The following AGBL3 variants were observed in gnomAD, a reference collection of about 807,000 sequenced individuals.
The protein encoded by AGBL3 is AGBL carboxypeptidase 3.
In AGBL3, 68 loss-of-function variants were observed where a neutral mutation model predicts 94.5. That is an observed-to-expected ratio of 0.72 (90% CI 0.59 to 0.88). The LOEUF is 0.88. Among genes scored for constraint, AGBL3 ranks in the 40% least tolerant of loss-of-function variants. The pLI is 0.00. For synonymous variants in AGBL3, 354 were observed against 370.7 expected (o/e 0.95, Z 0.52); for missense variants, 934 against 1,103.8 (o/e 0.85, Z 2.18).
Position 135,050,323 on chromosome 7 carries a change from A to G in AGBL3, c.1841+4412A>G, listed in dbSNP as rs532193102. ...CTAACATGTGATCTATCCTGGAGAA[A>G]GTTCCAGATGTGCTTGAGAAGACCA... On this transcript the variant is annotated intron_variant, in intron 11 of 16. Coordinates refer to ENST00000436302, the MANE Select transcript of AGBL3 (RefSeq NM_178563.4). Among the ~76,000 whole-genome samples, 39 of 152,078 alleles carry G rather than the reference A, an allele frequency of 2.6e-4. 3 individuals are homozygous for G. In the South Asian group the frequency reaches 7.1e-3, roughly 28 times the overall value.
At chr7:134,994,891 T>C (rs1300135896) in intron 4 of AGBL3, among the ~76,000 whole-genome samples, 1 of 152,180 alleles carries the variant, frequency 6.6e-6, no homozygotes, top group African/African-American at 2.4e-5. Flanking sequence ...AAGCTGGGTA[T>C]ATATTTATCT....
intron 3 of AGBL3, 26 bp from the exon 4 acceptor site, chr7:134,993,467 T>C: frequency 6.6e-7 from 1 of 1,511,786 alleles, no homozygotes; most frequent in African/African-American, 1.4e-5. Flanking sequence ...TTCCCACTCA[T>C]GATTGTGTTT....
chr7:135,118,629 C>A lies in AGBL3; in HGVS notation c.2342+3018C>A, dbSNP rs1446379173. On this transcript the variant is annotated intron_variant, in intron 16 of 16. Coordinates refer to ENST00000436302, the MANE Select transcript of AGBL3 (RefSeq NM_178563.4). ...TCTATGTTTTAATCAGAAATAAATTCTTGTACCAAGAACCAGGAAGATCTA... is the reference window on the plus strand; with the variant it reads ...TCTATGTTTTAATCAGAAATAAATTATTGTACCAAGAACCAGGAAGATCTA... Among the ~76,000 whole-genome samples, 6 of 152,252 alleles carry A rather than the reference C, an allele frequency of 3.9e-5. No individual in the cohort carries two copies. The East Asian group carries it at 9.6e-4, about 24-fold the overall frequency.
intron 4 of AGBL3, among the ~76,000 whole-genome samples, chr7:135,009,274 C>T (rs181760904): frequency 1.3e-5 from 2 of 152,208 alleles, no homozygotes; most frequent in East Asian, 1.9e-4. Context: ...TATTTCCACA[C>T]AATAGAATAT....
chr7:135,123,584 A>T lies in AGBL3; in HGVS notation c.2342+7973A>T, dbSNP rs192593710. ...CATGAGAAGATCAACCCCAAGACAC[A>T]TAATCTTCAGATTCTCTAAGGTCAA... is the stretch of plus-strand genomic sequence containing the variant. On this transcript the variant is annotated intron_variant, in intron 16 of 16. Coordinates refer to ENST00000436302, the MANE Select transcript of AGBL3 (RefSeq NM_178563.4). 1.0e-3 allele frequency among the ~76,000 whole-genome samples: 158 copies of T among 152,290 alleles called. 6 individuals carry two copies. The highest frequency in any genetic ancestry group is 0.01 in the Admixed American group (156 of 15,296).
At chr7:134,986,905 C>G (rs1056183744) in intron 1 of AGBL3, among the ~76,000 whole-genome samples, 1 of 152,272 alleles carries the variant, frequency 6.6e-6, no homozygotes, top group Non-Finnish European at 1.5e-5. Context: ...TCTGCCCCTC[C>G]TCCGCAGTGG....
At chr7:135,115,693 CG>C in intron 16 of AGBL3, 82 bp downstream of exon 16, 2 of 1,176,894 alleles carry the variant, frequency 1.7e-6, no homozygotes, top group South Asian at 1.8e-5. Context: ...TATTATCCTA[CG>C]AAAAAAAAAT....
At chr7:135,024,827 C>G (rs918811164) in intron 5 of AGBL3, among the ~76,000 whole-genome samples, 1 of 148,412 alleles carries the variant, frequency 6.7e-6, no homozygotes, top group African/African-American at 2.4e-5. Flanking sequence ...AAATTCACTA[C>G]AAGAATTACA....
chr7:135,072,983 T>C (rs770799389), intron 12 of AGBL3, among the ~76,000 whole-genome samples: 2 of 152,136 alleles, frequency 1.3e-5, no homozygotes, highest in Non-Finnish European at 2.9e-5. Flanking sequence ...TGTGTATGTG[T>C]ATGTGTGTGT....
intron 7 of AGBL3, 102 bp from the exon 8 acceptor site, chr7:135,037,316 G>T: frequency 1.0e-6 from 1 of 989,536 alleles, no homozygotes; most frequent in Non-Finnish European, 1.4e-6. Context: ...TAGGATATAA[G>T]AAATTGTATT....
chr7:134,997,737 G>A (rs1027664937), intron 4 of AGBL3, among the ~76,000 whole-genome samples: 2 of 152,168 alleles, frequency 1.3e-5, no homozygotes, highest in Admixed American at 6.5e-5. Flanking sequence ...AGGCATCAGA[G>A]GCTATCTCCC....
At chr7:135,052,508 T>C (rs1400561699) in intron 11 of AGBL3, among the ~76,000 whole-genome samples, 1 of 152,142 alleles carries the variant, frequency 6.6e-6, no homozygotes, top group African/African-American at 2.4e-5. Context: ...TGGGCTTCCA[T>C]TGAACCCATC....
At chr7:135,130,644 C>T (rs979907117) in intron 16 of AGBL3, among the ~76,000 whole-genome samples, 1 of 151,664 alleles carries the variant, frequency 6.6e-6, no homozygotes, top group African/African-American at 2.4e-5. Flanking sequence ...TATATTCATC[C>T]CAAGCTGAAT....
chr7:135,038,895 C>T (rs1483676449), intron 8 of AGBL3, among the ~76,000 whole-genome samples: 2 of 151,584 alleles, frequency 1.3e-5, no homozygotes, highest in African/African-American at 4.9e-5. Context: ...GGAGGCGGAG[C>T]TTGCAGTGAG....
Position 135,047,316 on chromosome 7 carries a change from T to C in AGBL3, c.1841+1405T>C, listed in dbSNP as rs532571872. Among the ~76,000 whole-genome samples, 10 of 152,204 alleles carry C rather than the reference T, an allele frequency of 6.6e-5. No individual in the cohort carries two copies. In the East Asian group the frequency reaches 1.2e-3, roughly 18 times the overall value. Reference sequence around the variant, plus strand: ...AAAAGATATTTAGGTTGTTTCTATATAATGGCTATTGTGAATAGTGCTACA... The same window carrying C: ...AAAAGATATTTAGGTTGTTTCTATACAATGGCTATTGTGAATAGTGCTACA... On this transcript the variant is annotated intron_variant, in intron 11 of 16. Coordinates refer to ENST00000436302, the MANE Select transcript of AGBL3 (RefSeq NM_178563.4).
chr7:134,987,844 GA>G, intron 1 of AGBL3, 30 bp from the exon 2 acceptor site: 1 of 940,998 alleles, frequency 1.1e-6, no homozygotes. Flanking sequence ...CCTACAGCTT[GA>G]AAAGAAAAGC....
chr7:135,072,683 A>G (rs1820041221), intron 12 of AGBL3, among the ~76,000 whole-genome samples: 1 of 148,280 alleles, frequency 6.7e-6, no homozygotes, highest in Admixed American at 6.8e-5. Flanking sequence ...CAAACACCGC[A>G]TGTTCTCACT....
At chr7:135,098,898 A>C (rs1162284292) in intron 15 of AGBL3, among the ~76,000 whole-genome samples, 3 of 152,180 alleles carry the variant, frequency 2.0e-5, no homozygotes, top group Non-Finnish European at 2.9e-5. Flanking sequence ...ATGACATATA[A>C]AACTTAAATA....
intron 15 of AGBL3, among the ~76,000 whole-genome samples, chr7:135,113,725 G>A (rs1475443505): frequency 6.6e-6 from 1 of 152,166 alleles, no homozygotes; most frequent in South Asian, 2.1e-4. Flanking sequence ...ATTCAGTAGT[G>A]TTAAGTACAG....
Sources: gnomAD v4.1 joint callset for allele counts (sites outside exome capture counted in the v4.1 genomes callset) on GRCh38, gnomAD v4.1.1 for gene constraint, MANE v1.5 for transcripts, NCBI Gene and HGNC (gene_info 2026-07-23, HGNC 2026-07-21) for gene names.